WWOX: variants seen among roughly 807,000 people sequenced by gnomAD.
WWOX encodes WW domain containing oxidoreductase.
In WWOX, 69 loss-of-function variants were observed where a neutral mutation model predicts 46.2. The ratio of observed to expected loss-of-function variants is 1.49; its 90% confidence interval spans 1.23 to 1.82. WWOX has a LOEUF of 1.82. WWOX is among the 40% of genes most tolerant of loss of function. The probability of loss-of-function intolerance (pLI) is 0.00; values close to 1 mark genes in which losing one functional copy is unlikely to be tolerated. For missense variants in WWOX, 919 were observed against 542.6 expected (o/e 1.69, Z -6.89); for synonymous variants, 359 against 202.6 (o/e 1.77, Z -6.56).
chr16:78,834,184 A>G (rs531122543), intron 8 of WWOX, among the ~76,000 whole-genome samples: 20 of 152,288 alleles, frequency 1.3e-4, no homozygotes, highest in African/African-American at 4.6e-4. Context: ...TTCTTCTCAT[A>G]AATCTTGTAA....
chr16:78,339,236 C>A lies in WWOX; in HGVS notation c.517-47624C>A, dbSNP rs866897717. On this transcript the variant is annotated intron_variant, in intron 5 of 8. Coordinates refer to ENST00000566780, the MANE Select transcript of WWOX (RefSeq NM_016373.4). ...CATGTAGCATATCAAGATTATTTTTCTTTCCTGCACCTTATTTTTTCCCTG... is the reference window on the plus strand; with the variant it reads ...CATGTAGCATATCAAGATTATTTTTATTTCCTGCACCTTATTTTTTCCCTG... 3.4e-5 allele frequency among the ~76,000 whole-genome samples: 4 copies of A among 118,564 alleles called. 1 individual carries two copies. The highest frequency in any genetic ancestry group is 1.1e-4 in the African/African-American group (4 of 35,146). The allele number at this position is 118,564 out of a possible 152,430, so 77.8% of individuals were successfully genotyped here. A position where few individuals can be genotyped will look rare whatever the true frequency, so the allele number is the denominator to read the frequency against.
At chr16:79,097,731 TTTA>T (rs1441265515) in intron 8 of WWOX, among the ~76,000 whole-genome samples, 1 of 152,144 alleles carries the variant, frequency 6.6e-6, no homozygotes. Flanking sequence ...CTTTCTGTCT[TTTA>T]TTTAGGGAAG....
intron 8 of WWOX, among the ~76,000 whole-genome samples, chr16:78,454,472 A>G (rs1035199565): frequency 6.8e-6 from 1 of 147,992 alleles, no homozygotes; most frequent in East Asian, 2.0e-4. Context: ...TTTTTCCCCT[A>G]GGTTGTGTTT....
chr16:78,673,382 T>C (rs1354938453), intron 8 of WWOX, among the ~76,000 whole-genome samples: 3 of 152,198 alleles, frequency 2.0e-5, no homozygotes, highest in Non-Finnish European at 4.4e-5. Context: ...ACCACGTTTA[T>C]TCTCCAGCCC....
intron 8 of WWOX, among the ~76,000 whole-genome samples, chr16:78,882,212 A>G (rs1429111964): frequency 6.6e-6 from 1 of 152,226 alleles, no homozygotes; most frequent in Admixed American, 6.5e-5. Context: ...TCATAAAGCC[A>G]ATACTTTCTA....
chr16:78,174,479 A>G (rs1306747929), intron 5 of WWOX, among the ~76,000 whole-genome samples: 7 of 152,216 alleles, frequency 4.6e-5, no homozygotes, highest in African/African-American at 1.7e-4. Context: ...CATATCAGAC[A>G]CAAACATTCA....
At chr16:79,002,932 T>C (rs775683717) in intron 8 of WWOX, among the ~76,000 whole-genome samples, 6 of 152,130 alleles carry the variant, frequency 3.9e-5, no homozygotes, top group Admixed American at 6.5e-5. Context: ...GCATTAGAGC[T>C]CAAAAATCTA....
chr16:78,599,596 G>T (rs76614455), intron 8 of WWOX, among the ~76,000 whole-genome samples: 1 of 152,200 alleles, frequency 6.6e-6, no homozygotes, highest in South Asian at 2.1e-4. Flanking sequence ...TCCTGACACA[G>T]TTTGGGGAGA....
rs80108778 is a variant in WWOX at position 78,225,684 on chromosome 16, C to A, written c.516+61395C>A. 4.9e-3 allele frequency among the ~76,000 whole-genome samples: 753 copies of A among 152,238 alleles called. 9 individuals carry two copies. Among genetic ancestry groups the A allele is most frequent in the African/African-American group, 0.017 (717 of 41,536 alleles). ...GATGAGTAGTTCATTGTCCCAACAC[C>A]AGTTATTGCAATAAGTTATTCCTTC... On this transcript the variant is annotated intron_variant, in intron 5 of 8. Coordinates refer to ENST00000566780, the MANE Select transcript of WWOX (RefSeq NM_016373.4).
rs57609552 is a variant in WWOX, at chr16:78,735,426, C to CACACACACACACACAA, written c.1056+302674_1056+302675insACACACACACACACAA. 4.3e-3 allele frequency among the ~76,000 whole-genome samples: 653 copies of CACACACACACACACAA among 150,280 alleles called. 6 individuals are homozygous for CACACACACACACACAA. Among genetic ancestry groups the CACACACACACACACAA allele is most frequent in the Middle Eastern group, 6.8e-3 (2 of 294 alleles). ...ACACACACACACACACACACACACA[C>CACACACACACACACAA]TAATATGGTTCTGATTCTCTGGAGA... On this transcript the variant is annotated intron_variant, in intron 8 of 8. Coordinates refer to ENST00000566780, the MANE Select transcript of WWOX (RefSeq NM_016373.4).
chr16:78,589,776 A>G (rs891095550), intron 8 of WWOX, among the ~76,000 whole-genome samples: 4 of 152,188 alleles, frequency 2.6e-5, no homozygotes, highest in African/African-American at 7.2e-5. Flanking sequence ...TAGGTTGGTC[A>G]TCTCTCTGCT....
At chr16:78,730,574 C>G (rs2048945243) in intron 8 of WWOX, among the ~76,000 whole-genome samples, 1 of 151,412 alleles carries the variant, frequency 6.6e-6, no homozygotes. Flanking sequence ...AACCTAGCCT[C>G]CTAAGTAGCT....
chr16:78,842,328 T>TAAA (rs34346754), intron 8 of WWOX, among the ~76,000 whole-genome samples: 1 of 118,258 alleles, frequency 8.5e-6, no homozygotes, highest in East Asian at 2.5e-4. Flanking sequence ...ACCCCATCTC[T>TAAA]AAAAAAAAAA....
chr16:78,502,566 A>T (rs531219512), intron 8 of WWOX, among the ~76,000 whole-genome samples: 94 of 152,300 alleles, frequency 6.2e-4, no homozygotes, highest in African/African-American at 2.0e-3. Flanking sequence ...GATATACCAC[A>T]TTTTGTGTAT....
intron 8 of WWOX, among the ~76,000 whole-genome samples, chr16:78,966,737 T>G (rs1417657642): frequency 2.6e-5 from 4 of 152,192 alleles, no homozygotes; most frequent in Admixed American, 2.6e-4. Context: ...AAAACTCTTT[T>G]CATGGTCTGC....
chr16:78,948,649 G>A (rs182327350), intron 8 of WWOX, among the ~76,000 whole-genome samples: 1 of 152,076 alleles, frequency 6.6e-6, no homozygotes, highest in African/African-American at 2.4e-5. Context: ...CACTCGAAAA[G>A]AGGTTCCAGC....
chr16:78,497,217 C>T (rs1250244778), intron 8 of WWOX, among the ~76,000 whole-genome samples: 1 of 110,198 alleles, frequency 9.1e-6, no homozygotes, highest in Non-Finnish European at 2.1e-5. Flanking sequence ...CCAAATGATT[C>T]CACAGCACAT....
chr16:79,014,317 G>A (rs1211983549), intron 8 of WWOX, among the ~76,000 whole-genome samples: 1 of 152,154 alleles, frequency 6.6e-6, no homozygotes, highest in Non-Finnish European at 1.5e-5. Flanking sequence ...TTCCTGGGGT[G>A]GTTCTGCTGG....
At chr16:78,407,947 T>A (rs960030719) in intron 6 of WWOX, among the ~76,000 whole-genome samples, 2 of 152,218 alleles carry the variant, frequency 1.3e-5, no homozygotes, top group Admixed American at 6.5e-5. Context: ...AATGTAGGAA[T>A]GGACATATCC....
Sources: gnomAD v4.1 joint callset for allele counts (sites outside exome capture counted in the v4.1 genomes callset) on GRCh38, gnomAD v4.1.1 for gene constraint, MANE v1.5 for transcripts, NCBI Gene and HGNC (gene_info 2026-07-23, HGNC 2026-07-21) for gene names.